The following PC variants were observed in gnomAD, a reference collection of about 807,000 sequenced individuals.
The protein encoded by PC is pyruvate carboxylase, mitochondrial.
Under a neutral mutation model 107.8 loss-of-function variants are expected in PC, and 46 were observed. The observed-to-expected ratio is 0.43, with a 90% CI of 0.34 to 0.55. The LOEUF is 0.55. Ranked by LOEUF, PC falls within the 20% of genes least tolerant of loss-of-function variation. The pLI, the probability that PC is intolerant of heterozygous loss-of-function variation, is 0.04. For synonymous variants in PC, 662 were observed against 684.7 expected (o/e 0.97, Z 0.52); for missense variants, 1,241 against 1,643.1 (o/e 0.76, Z 4.23).
At chr11:66,886,908 C>T (rs555744973) in intron 3 of PC, among the ~76,000 whole-genome samples, 5 of 152,294 alleles carry the variant, frequency 3.3e-5, no homozygotes, top group East Asian at 3.9e-4. Context: ...GTCAGTGCCA[C>T]GGTGCACGCC....
chr11:66,911,038 G>A (rs928677401), intron 3 of PC, among the ~76,000 whole-genome samples: 2 of 152,210 alleles, frequency 1.3e-5, no homozygotes, highest in African/African-American at 4.8e-5. Flanking sequence ...GAGTTGCTAT[G>A]AGAACCCAAT....
Position 66,853,336 on chromosome 11 carries a change from C to T in PC, c.1416G>A (p.Leu472=). The change falls in exon 13 of 23, where the codon CTG becomes CTA. Residue 472 remains leucine, a synonymous_variant. Transcript: ENST00000393960. ...LQNVLNNQQF[L]AGTVDTQFID... ...TGAACTGGGTGTCCACAGTGCCTGC[C>T]AGGAACTGCTGGTTGTTGAGCACAT... The T allele has an allele frequency of 1.9e-6, 3 of 1,613,978 alleles. No homozygotes were observed. The highest frequency in any genetic ancestry group is 1.1e-5 in the South Asian group (1 of 91,082).
chr11:66,853,516 G>A (rs990463675), intron 12 of PC, 133 bp from the exon 13 acceptor site: 5 of 1,053,616 alleles, frequency 4.7e-6, no homozygotes, highest in Admixed American at 1.7e-5. Context: ...CCCTGCAGAG[G>A]GGCACTTCCC....
At chr11:66,939,290 AAAGTACAC>A (rs1949067985) in intron 3 of PC, among the ~76,000 whole-genome samples, 1 of 152,262 alleles carries the variant, frequency 6.6e-6, no homozygotes, top group South Asian at 2.1e-4. Context: ...GAGATGATTT[AAAGTACAC>A]AAGATGATAT....
intron 3 of PC, among the ~76,000 whole-genome samples, chr11:66,939,100 C>T (rs1036274668): frequency 2.6e-5 from 4 of 152,200 alleles, no homozygotes; most frequent in Non-Finnish European, 4.4e-5. Context: ...ACTATATGGT[C>T]AGCCCTCTGT....
At chr11:66,868,812 G>GCGCCTCCCGCCC in intron 10 of PC, 34 bp downstream of exon 10, 3 of 1,541,058 alleles carry the variant, frequency 1.9e-6, no homozygotes, top group Non-Finnish European at 2.7e-6. Context: ...CCTAGAAGCC[G>GCGCCTCCCGCCC]CGCCTCCCGC....
At chr11:66,950,191 C>G (rs143464871) in intron 3 of PC, among the ~76,000 whole-genome samples, 1 of 152,286 alleles carries the variant, frequency 6.6e-6, no homozygotes, top group East Asian at 1.9e-4. Flanking sequence ...CAGTGACAGA[C>G]AAGAGAAAGG....
intron 3 of PC, among the ~76,000 whole-genome samples, chr11:66,923,463 T>C (rs1217085361): frequency 1.3e-5 from 2 of 152,032 alleles, no homozygotes; most frequent in Non-Finnish European, 2.9e-5. Context: ...CATCGGTTCA[T>C]TCCTTCCTTA....
intron 3 of PC, among the ~76,000 whole-genome samples, chr11:66,908,223 G>A (rs555520334): frequency 2.0e-5 from 3 of 152,268 alleles, no homozygotes; most frequent in South Asian, 4.1e-4. Context: ...CTAAGGAAAG[G>A]AGCAGAAGAT....
chr11:66,849,524 G>C (rs540935501), intron 21 of PC, 87 bp downstream of exon 21: 2 of 1,610,490 alleles, frequency 1.2e-6, no homozygotes, highest in Non-Finnish European at 1.7e-6. Flanking sequence ...CCCAAAGCTT[G>C]CGAGGCTGGG....
intron 3 of PC, among the ~76,000 whole-genome samples, chr11:66,909,052 C>T (rs192343020): frequency 4.6e-5 from 7 of 152,314 alleles, no homozygotes; most frequent in Non-Finnish European, 7.3e-5. Context: ...AGTAGAGGAT[C>T]AGCTGGAATG....
chr11:66,859,619 A>T (rs751355859), intron 12 of PC: 1 of 1,612,334 alleles, frequency 6.2e-7, no homozygotes, highest in African/African-American at 1.3e-5. Flanking sequence ...GGCTCTGACC[A>T]CCTGCCCTTG....
Position 66,849,306 on chromosome 11 carries a change from G to A in PC, c.3212C>T (p.Ala1071Val), listed in dbSNP as rs149583113. ...CTCAAAGAAGACCTGCCTCTGGCCGGCCCGGTTCAGGTCGCTCACGGCCAG... is the reference window on the plus strand; with the variant it reads ...CTCAAAGAAGACCTGCCTCTGGCCGACCCGGTTCAGGTCGCTCACGGCCAG... ...KALAVSDLNR[A>V]GQRQVFFELN... The change falls in exon 22 of 23, where the codon GCC becomes GTC. Residue 1071 changes from alanine to valine, a missense_variant. Physicochemically the swap from Ala to Val is moderately conservative, Grantham distance 64. This residue lies in a region of PC where 1,143 missense variants were observed against 1,551.9 expected (regional missense o/e 0.74). Transcript: ENST00000393960. 10 of 1,613,502 alleles carry A rather than the reference G, an allele frequency of 6.2e-6. No individual in the cohort carries two copies. Among genetic ancestry groups the A allele is most frequent in the Non-Finnish European group, 8.5e-6 (10 of 1,180,036 alleles).
chr11:66,871,185 A>G lies in PC; in HGVS notation c.500T>C (p.Val167Ala), dbSNP rs1269938724. 1 of 1,613,042 alleles carries G rather than the reference A, an allele frequency of 6.2e-7. No homozygotes were observed. The highest frequency in any genetic ancestry group is 8.5e-7 in the Non-Finnish European group (1 of 1,179,328). ...CGTGATGGGGGCATCTGTGCCAGGG[A>G]CAACGGGAACACCTGTTGGGAGAAA... ...AIAIAAGVPV[V>A]PGTDAPITSL... Residue 167 changes from valine (V) to alanine (A), a missense_variant, in exon 7 of 23, where the codon GTC becomes GCC. Physicochemically the swap from Val to Ala is moderately conservative, Grantham distance 64. This residue lies in a region of PC where 1,143 missense variants were observed against 1,551.9 expected (regional missense o/e 0.74). Transcript: ENST00000393960. This position sits in a 1 kb window ranked among gnomAD's most constrained non-coding sequence, Gnocchi z 7.4.
At chr11:66,862,427 G>A (rs939833702) in intron 12 of PC, among the ~76,000 whole-genome samples, 8 of 152,212 alleles carry the variant, frequency 5.3e-5, no homozygotes, top group Non-Finnish European at 1.2e-4. Flanking sequence ...GGGACAGCAC[G>A]GCCCACATGC....
intron 12 of PC, chr11:66,859,532 T>G (rs962417135): frequency 7.2e-5 from 111 of 1,548,018 alleles, no homozygotes; most frequent in Non-Finnish European, 9.2e-5. Flanking sequence ...AGAGCCCGAG[T>G]GGCCCCAGGG....
rs941729482 is a variant in PC, at chr11:66,870,282, A to G, written c.903+20T>C. On this transcript the variant is annotated intron_variant, in intron 9 of 22. Transcript: ENST00000393960. This position sits in a 1 kb window ranked among gnomAD's most constrained non-coding sequence, Gnocchi z 6.1. ...TGTGAGCACAGGCTCCTGTCCCAAC[A>G]CGGGAAGCCCACCCTTCACCTGTTT... The G allele has an allele frequency of 5.0e-6, 8 of 1,611,752 alleles. No individual in the cohort carries two copies. Among genetic ancestry groups the G allele is most frequent in the Non-Finnish European group, 6.8e-6 (8 of 1,179,892 alleles).
In PC at chr11:66,870,586, AC is replaced by A; in HGVS notation, c.752-134del. On this transcript the variant is annotated intron_variant, in intron 8 of 22. Transcript: ENST00000393960. This position sits in a 1 kb window ranked among gnomAD's most constrained non-coding sequence, Gnocchi z 6.1. ...CGGTACAGAGGCTGCCAGGAGAGAC[AC>A]CAGCATCACCAAGGCTGTGAGGACC... 1 of 1,157,238 alleles carries A rather than the reference AC, an allele frequency of 8.6e-7. No homozygotes were observed. The highest frequency in any genetic ancestry group is 1.3e-6 in the Non-Finnish European group (1 of 788,402). The allele number at this position is 1,157,238 out of a possible 1,614,324, so 71.7% of individuals were successfully genotyped here.
At chr11:66,865,368 TGGGGCTCAG>T (rs1946447709) in intron 11 of PC, among the ~76,000 whole-genome samples, 1 of 152,234 alleles carries the variant, frequency 6.6e-6, no homozygotes, top group South Asian at 2.1e-4. Context: ...TTGCCTCCTT[TGGGGCTCAG>T]GCCCCTGGAT....
Sources: gnomAD v4.1 joint callset for allele counts (sites outside exome capture counted in the v4.1 genomes callset) on GRCh38, gnomAD v4.1.1 for gene constraint, gnomAD v4.1.1 regional missense constraint, Gnocchi (gnomAD v3.1) non-coding constraint, MANE v1.5 for transcripts, NCBI Gene and HGNC (gene_info 2026-07-23, HGNC 2026-07-21) for gene names.